The following CCDC3 variants were observed in gnomAD, a reference collection of about 807,000 sequenced individuals.
CCDC3 encodes coiled-coil domain-containing protein 3.
Under a neutral mutation model 21.4 loss-of-function variants are expected in CCDC3, and 24 were observed. That is an observed-to-expected ratio of 1.12 (90% confidence interval 0.81 to 1.58). The LOEUF (loss-of-function observed/expected upper bound fraction) is 1.58. CCDC3 is among the 40% of genes most tolerant of loss of function. The pLI is 0.00. For synonymous variants in CCDC3, 186 were observed against 166.0 expected, an observed-to-expected ratio of 1.12 and a Z score of -0.93; for missense variants, 425 against 360.9, an observed-to-expected ratio of 1.18 and a Z score of -1.44.
At chr10:12,957,646 A>C (rs56381111) in intron 2 of CCDC3, among the ~76,000 whole-genome samples, 78,086 of 151,722 alleles carry the variant, frequency 0.51, 22,663 homozygotes, top group Non-Finnish European at 0.65. Context: ...AGTTCTCTCG[A>C]GATCTGATTG....
At chr10:13,004,412 T>C (rs996406706), upstream of CCDC3, among the ~76,000 whole-genome samples, 20 of 152,166 alleles carry the variant, frequency 1.3e-4, no homozygotes, top group African/African-American at 3.9e-4. Flanking sequence ...GTGGGAATCA[T>C]TGATCAGAAA....
At chr10:13,088,983 C>T (rs1331867693) in intron 3 of CCDC3, among the ~76,000 whole-genome samples, 2 of 150,410 alleles carry the variant, frequency 1.3e-5, no homozygotes, top group Non-Finnish European at 2.9e-5. Flanking sequence ...GCACTCCAGC[C>T]TGGGTGACAG....
chr10:13,015,661 C>T (rs1170348545), intron 5 of CCDC3, among the ~76,000 whole-genome samples: 1 of 151,994 alleles, frequency 6.6e-6, no homozygotes, highest in Admixed American at 6.6e-5. Context: ...CAAACTCATT[C>T]GCAGCTGTAT....
At chr10:12,922,671 C>T (rs573225507) in intron 2 of CCDC3, among the ~76,000 whole-genome samples, 1 of 152,270 alleles carries the variant, frequency 6.6e-6, no homozygotes, top group East Asian at 1.9e-4. Flanking sequence ...CGGACCCCTT[C>T]CCGCGCCGCA....
At chr10:13,057,620 C>T (rs548946595) in intron 4 of CCDC3, among the ~76,000 whole-genome samples, 1 of 152,112 alleles carries the variant, frequency 6.6e-6, no homozygotes, top group East Asian at 1.9e-4. Flanking sequence ...GGGCTCACAC[C>T]TGTAATCCCA....
chr10:12,960,644 T>C (rs924099631), intron 2 of CCDC3, among the ~76,000 whole-genome samples: 1 of 152,002 alleles, frequency 6.6e-6, no homozygotes, highest in Non-Finnish European at 1.5e-5. Context: ...AAACACGAGG[T>C]GGGGCAGGGT....
chr10:12,937,851 G>A (rs74118925), intron 2 of CCDC3, among the ~76,000 whole-genome samples: 1 of 152,142 alleles, frequency 6.6e-6, no homozygotes, highest in Non-Finnish European at 1.5e-5. Flanking sequence ...CCATCATTAA[G>A]CCATTATTTG....
At chr10:13,079,289 G>T (rs964533022) in intron 3 of CCDC3, among the ~76,000 whole-genome samples, 3 of 152,198 alleles carry the variant, frequency 2.0e-5, no homozygotes, top group African/African-American at 7.2e-5. Context: ...GGCCTTAGGG[G>T]TAAGGAATCG....
At chr10:12,962,989 T>C (rs1353805310) in intron 2 of CCDC3, among the ~76,000 whole-genome samples, 1 of 152,214 alleles carries the variant, frequency 6.6e-6, no homozygotes, top group Non-Finnish European at 1.5e-5. Flanking sequence ...ATATACACTA[T>C]TTTCCACCTC....
At chr10:13,006,891 A>G (rs1428830878) in intron 5 of CCDC3, among the ~76,000 whole-genome samples, 3 of 152,192 alleles carry the variant, frequency 2.0e-5, no homozygotes, top group Admixed American at 6.5e-5. Flanking sequence ...TACATAGATC[A>G]GGCACTACAC....
intron 4 of CCDC3, among the ~76,000 whole-genome samples, chr10:13,071,934 T>A (rs1030659182): frequency 2.6e-5 from 4 of 152,170 alleles, no homozygotes; most frequent in Non-Finnish European, 4.4e-5. Flanking sequence ...TCAGATGCAT[T>A]CTCCAAACTG....
intron 2 of CCDC3, among the ~76,000 whole-genome samples, chr10:12,951,804 CA>C (rs71924811): frequency 9.9e-5 from 6 of 60,492 alleles, no homozygotes; most frequent in East Asian, 1.2e-3. Flanking sequence ...GACTTCATCT[CA>C]AAAAAAAAAA....
At chr10:12,967,752 CA>C (rs1564302217) in intron 2 of CCDC3, among the ~76,000 whole-genome samples, 1 of 152,156 alleles carries the variant, frequency 6.6e-6, no homozygotes, top group Non-Finnish European at 1.5e-5. Flanking sequence ...CAAGCTTAAA[CA>C]ATAGCAGAAA....
intron 5 of CCDC3, among the ~76,000 whole-genome samples, chr10:13,032,537 G>C (rs780527156): frequency 2.6e-4 from 40 of 152,160 alleles, no homozygotes; most frequent in Non-Finnish European, 4.4e-4. Flanking sequence ...ATTAGGAAAA[G>C]AGGAAGTCAA....
At chr10:12,983,912 T>G (rs1207276510) in intron 2 of CCDC3, among the ~76,000 whole-genome samples, 1 of 152,080 alleles carries the variant, frequency 6.6e-6, no homozygotes, top group Admixed American at 6.6e-5. Context: ...AAACCCTGTC[T>G]CTACTAAAAA....
intron 2 of CCDC3, among the ~76,000 whole-genome samples, chr10:12,900,431 C>A (rs1267815234): frequency 7.4e-5 from 11 of 149,002 alleles, no homozygotes. Context: ...GTAATCCCAG[C>A]ACTTTAGGAG....
chr10:12,923,739 C>G (rs1436604146), intron 2 of CCDC3, among the ~76,000 whole-genome samples: 2 of 152,156 alleles, frequency 1.3e-5, no homozygotes, highest in African/African-American at 4.8e-5. Context: ...GGTCTGTGTC[C>G]CTCCCGACCC....
intron 2 of CCDC3, among the ~76,000 whole-genome samples, chr10:12,916,241 G>A (rs1043792660): frequency 3.9e-5 from 6 of 152,102 alleles, no homozygotes; most frequent in Admixed American, 6.5e-5. Context: ...AGACCAGCCT[G>A]GCCAACATGG....
At chr10:13,000,177 C>T (rs957222954) in intron 1 of CCDC3, among the ~76,000 whole-genome samples, 4 of 152,216 alleles carry the variant, frequency 2.6e-5, no homozygotes, top group African/African-American at 9.6e-5. Context: ...AAACGAACTA[C>T]AACCGATCAC....
Sources: allele counts gnomAD v4.1 joint callset (sites outside exome capture counted in the v4.1 genomes callset), GRCh38; gene constraint gnomAD v4.1.1; transcripts MANE v1.5; gene names NCBI Gene and HGNC (gene_info 2026-07-23, HGNC 2026-07-21).